GALNTL6: variants seen among roughly 807,000 people sequenced by gnomAD.
GALNTL6 encodes polypeptide N-acetylgalactosaminyltransferase-like 6.
In GALNTL6, 46 loss-of-function variants were observed where a neutral mutation model predicts 73.7. That is an observed-to-expected ratio of 0.62 (90% CI 0.49 to 0.80). The LOEUF is 0.80. Among genes scored for constraint, GALNTL6 ranks in the 30% least tolerant of loss-of-function variants. The pLI, the probability that GALNTL6 is intolerant of heterozygous loss-of-function variation, is 0.00. For synonymous variants in GALNTL6, 259 were observed against 263.7 expected (o/e 0.98, Z 0.17); for missense variants, 604 against 755.0 (o/e 0.80, Z 2.34).
rs539056474 is a variant in GALNTL6, at chr4:172,983,422, C to T, written c.1372-25756C>T. Among the ~76,000 whole-genome samples, 71 of 152,292 alleles carry T rather than the reference C, an allele frequency of 4.7e-4. No individual in the cohort carries two copies. In the South Asian group the frequency reaches 5.0e-3, roughly 11 times the overall value. ...TCAAAATATGAATAATGGACAGGTGCGGTGGCTCACACCTGTAATCCCAGC... is the reference window on the plus strand; with the variant it reads ...TCAAAATATGAATAATGGACAGGTGTGGTGGCTCACACCTGTAATCCCAGC... On this transcript the variant is annotated intron_variant, in intron 10 of 12. Transcript: ENST00000506823.
chr4:172,515,478 T>C (rs1268846277), intron 5 of GALNTL6, among the ~76,000 whole-genome samples: 1 of 152,250 alleles, frequency 6.6e-6, no homozygotes, highest in Non-Finnish European at 1.5e-5. Flanking sequence ...TTTAGGCTTC[T>C]CTGTGGTTAT....
intron 8 of GALNTL6, among the ~76,000 whole-genome samples, chr4:172,896,697 G>C (rs1746351179): frequency 6.6e-6 from 1 of 152,248 alleles, no homozygotes; most frequent in Admixed American, 6.5e-5. Flanking sequence ...TCCACAGATA[G>C]GATAGTTCCC....
chr4:172,039,516 A>G (rs913202583), intron 2 of GALNTL6, among the ~76,000 whole-genome samples: 2 of 152,158 alleles, frequency 1.3e-5, no homozygotes, highest in Non-Finnish European at 2.9e-5. Context: ...GATTCCCACC[A>G]TTATGTAGCT....
At chr4:173,024,238 A>G (rs1381684852) in intron 12 of GALNTL6, among the ~76,000 whole-genome samples, 1 of 152,220 alleles carries the variant, frequency 6.6e-6, no homozygotes, top group Non-Finnish European at 1.5e-5. Context: ...AAAGGAAACC[A>G]CTAGATTCAA....
chr4:172,486,535 T>C (rs1005176562), intron 5 of GALNTL6, among the ~76,000 whole-genome samples: 2 of 152,194 alleles, frequency 1.3e-5, no homozygotes, highest in African/African-American at 4.8e-5. Context: ...GCATTAGAAA[T>C]GTTCATAAAT....
chr4:172,313,157 C>G (rs1214028252), intron 4 of GALNTL6, among the ~76,000 whole-genome samples: 4 of 142,186 alleles, frequency 2.8e-5, no homozygotes, highest in African/African-American at 5.2e-5. Flanking sequence ...GTGGAGTCTC[C>G]CACTGTCGCC....
intron 5 of GALNTL6, among the ~76,000 whole-genome samples, chr4:172,644,768 C>A (rs1456227759): frequency 1.3e-5 from 2 of 151,776 alleles, no homozygotes; most frequent in East Asian, 1.9e-4. Context: ...TTGCTAGGTC[C>A]TATGGTAGGC....
intron 11 of GALNTL6, among the ~76,000 whole-genome samples, chr4:173,020,946 G>A (rs1056093784): frequency 1.4e-4 from 22 of 152,192 alleles, no homozygotes; most frequent in Middle Eastern, 3.4e-3. Context: ...GGTGGCGTGC[G>A]CCTGTAATCC....
chr4:172,210,911 G>A (rs1166855270), intron 2 of GALNTL6, among the ~76,000 whole-genome samples: 5 of 152,026 alleles, frequency 3.3e-5, no homozygotes, highest in Admixed American at 6.6e-5. Flanking sequence ...TTAGTACTTT[G>A]TATTACCAAA....
chr4:172,353,180 C>T (rs989423084), intron 5 of GALNTL6, among the ~76,000 whole-genome samples: 1 of 152,100 alleles, frequency 6.6e-6, no homozygotes, highest in Non-Finnish European at 1.5e-5. Flanking sequence ...GTGGCTCACA[C>T]CTGTAATCCC....
At chr4:172,172,523 T>G (rs1195949490) in intron 2 of GALNTL6, among the ~76,000 whole-genome samples, 1 of 151,552 alleles carries the variant, frequency 6.6e-6, no homozygotes, top group Non-Finnish European at 1.5e-5. Flanking sequence ...AAGAAGAGAT[T>G]AGGACACACA....
intron 5 of GALNTL6, among the ~76,000 whole-genome samples, chr4:172,605,539 T>G (rs970202941): frequency 6.6e-6 from 1 of 151,796 alleles, no homozygotes; most frequent in Non-Finnish European, 1.5e-5. Flanking sequence ...TGGGGAGAAA[T>G]AATTTAAACA....
At chr4:171,985,743 T>C (rs566276894) in intron 2 of GALNTL6, among the ~76,000 whole-genome samples, 50 of 149,612 alleles carry the variant, frequency 3.3e-4, no homozygotes, top group Middle Eastern at 7.0e-3. Context: ...TATAAAATTA[T>C]ATATATATAT....
intron 2 of GALNTL6, among the ~76,000 whole-genome samples, chr4:172,213,259 G>GT (rs1560972541): frequency 6.6e-6 from 1 of 152,110 alleles, no homozygotes; most frequent in African/African-American, 2.4e-5. Context: ...TTTGCACTGA[G>GT]TTTTTTTGTG....
At chr4:173,030,087 C>T (rs1465836477) in intron 12 of GALNTL6, among the ~76,000 whole-genome samples, 1 of 152,220 alleles carries the variant, frequency 6.6e-6, no homozygotes, top group Non-Finnish European at 1.5e-5. Context: ...ACTCTTCAAA[C>T]ATCTTGCTGA....
chr4:172,379,920 G>A (rs899970922), intron 5 of GALNTL6: 1 of 591,074 alleles, frequency 1.7e-6, no homozygotes. Flanking sequence ...AAGAAGTCTG[G>A]GCTTTTATTC....
intron 5 of GALNTL6, among the ~76,000 whole-genome samples, chr4:172,690,880 C>A (rs1240382214): frequency 1.3e-5 from 2 of 152,102 alleles, no homozygotes; most frequent in Non-Finnish European, 2.9e-5. Context: ...TTGAGAAGGG[C>A]CTGGCACTAT....
intron 5 of GALNTL6, among the ~76,000 whole-genome samples, chr4:172,452,099 T>A (rs971522119): frequency 1.3e-5 from 2 of 152,154 alleles, no homozygotes; most frequent in African/African-American, 4.8e-5. Context: ...TATTCCAGAA[T>A]GAAACCTGCA....
intron 2 of GALNTL6, among the ~76,000 whole-genome samples, chr4:172,116,638 A>C (rs1732992364): frequency 6.6e-6 from 1 of 152,168 alleles, no homozygotes; most frequent in African/African-American, 2.4e-5. Flanking sequence ...AAGGATCAGA[A>C]ATGAAGTAAA....
Sources: allele counts gnomAD v4.1 joint callset (sites outside exome capture counted in the v4.1 genomes callset), GRCh38; gene constraint gnomAD v4.1.1; transcripts MANE v1.5; gene names NCBI Gene and HGNC (gene_info 2026-07-23, HGNC 2026-07-21).